Variants in PITPNC1 observed in about 807,000 individuals in gnomAD.
PITPNC1 encodes the protein phosphatidylinositol transfer protein cytoplasmic 1.
PITPNC1 carries 18 observed loss-of-function variants against 44.7 expected under a neutral mutation model. That is an observed-to-expected ratio of 0.40 (90% confidence interval 0.28 to 0.60). PITPNC1 has a LOEUF of 0.60. Among genes scored for constraint, PITPNC1 ranks in the 20% least tolerant of loss-of-function variants. PITPNC1 has a pLI of 0.39. For synonymous variants in PITPNC1, 141 were observed against 149.6 expected (o/e 0.94, Z 0.42); for missense variants, 290 against 418.4 (o/e 0.69, Z 2.68).
intron 1 of PITPNC1, among the ~76,000 whole-genome samples, chr17:67,434,013 G>A (rs934116778): frequency 6.6e-6 from 1 of 152,164 alleles, no homozygotes; most frequent in African/African-American, 2.4e-5. Context: ...GACCACAAAT[G>A]GTCCTGCTCC....
At chr17:67,599,022 ATATATATATATATTTTTTT>A (rs1216359610) in intron 5 of PITPNC1, among the ~76,000 whole-genome samples, 10 of 41,808 alleles carry the variant, frequency 2.4e-4, no homozygotes, top group African/African-American at 7.9e-4. Flanking sequence ...ATATATATAT[ATATATATATATATTTTTTT>A]TTTTTTTTTT....
At chr17:67,476,927 CAG>C (rs1163252071) in intron 1 of PITPNC1, among the ~76,000 whole-genome samples, 1 of 152,200 alleles carries the variant, frequency 6.6e-6, no homozygotes, top group Non-Finnish European at 1.5e-5. Flanking sequence ...GTTAGAAATG[CAG>C]AGTCTCAGGC....
At chr17:67,617,272 G>A (rs1486979287) in intron 5 of PITPNC1, among the ~76,000 whole-genome samples, 3 of 152,194 alleles carry the variant, frequency 2.0e-5, no homozygotes, top group African/African-American at 4.8e-5. Flanking sequence ...TCGGGAGGCC[G>A]AGGTGGGTGG....
chr17:67,575,879 C>CTTTTTTTTTT (rs1209977482), intron 4 of PITPNC1, among the ~76,000 whole-genome samples: 328 of 15,904 alleles, frequency 0.021, 30 homozygotes, highest in African/African-American at 0.051. Context: ...TCTTTCTTTC[C>CTTTTTTTTTT]TTTTTTTTTT....
intron 5 of PITPNC1, among the ~76,000 whole-genome samples, chr17:67,624,195 C>A (rs1236054634): frequency 1.4e-5 from 2 of 142,970 alleles, no homozygotes; most frequent in Non-Finnish European, 3.0e-5. Flanking sequence ...AGATTATTTT[C>A]TTTTTCTTTC....
At chr17:67,515,330 C>T (rs561886316) in intron 1 of PITPNC1, among the ~76,000 whole-genome samples, 11 of 152,310 alleles carry the variant, frequency 7.2e-5, no homozygotes, top group Non-Finnish European at 1.3e-4. Flanking sequence ...AGAAGATGTG[C>T]TGATTCGTTT....
intron 5 of PITPNC1, 115 bp downstream of exon 5, chr17:67,578,372 G>T: frequency 1.4e-6 from 1 of 716,912 alleles, no homozygotes. Flanking sequence ...TGGGACCTCA[G>T]AGATGTTCTG....
chr17:67,512,822 C>CA (rs2040205875), intron 1 of PITPNC1, among the ~76,000 whole-genome samples: 1 of 151,440 alleles, frequency 6.6e-6, no homozygotes, highest in Admixed American at 6.6e-5. Flanking sequence ...CATGAGAATA[C>CA]AAAAAATATT....
chr17:67,441,927 CAGA>C (rs1281977059), intron 1 of PITPNC1, among the ~76,000 whole-genome samples: 1 of 151,906 alleles, frequency 6.6e-6, no homozygotes, highest in Non-Finnish European at 1.5e-5. Context: ...CAAAATGATA[CAGA>C]AGAATAGGAG....
At chr17:67,692,324 TACTC>T (rs1393556085) in intron 8 of PITPNC1, among the ~76,000 whole-genome samples, 2 of 152,192 alleles carry the variant, frequency 1.3e-5, no homozygotes, top group African/African-American at 4.8e-5. Context: ...ATACTTAAAA[TACTC>T]ACTGTGAAGA....
At chr17:67,452,954 A>G (rs1159591559) in intron 1 of PITPNC1, among the ~76,000 whole-genome samples, 5 of 152,074 alleles carry the variant, frequency 3.3e-5, no homozygotes, top group African/African-American at 9.7e-5. Context: ...AGCGATTCTA[A>G]TGAGTGTGTG....
In PITPNC1 at chr17:67,421,429, C is replaced by G. The variant is rs183913686; in HGVS notation, c.48+43227C>G. ...TCCTGAGTAGCTGGGATTACAGGCA[C>G]TCATCACCACGCCTGGCTAATTTGT... On this transcript the variant is annotated intron_variant, in intron 1 of 8. Coordinates refer to ENST00000581322, the MANE Select transcript of PITPNC1 (RefSeq NM_012417.4). Among the ~76,000 whole-genome samples, 336 of 152,102 alleles carry G rather than the reference C, an allele frequency of 2.2e-3. 3 individuals are homozygous for G. Among genetic ancestry groups the G allele is most frequent in the African/African-American group, 7.9e-3 (327 of 41,476 alleles).
At chr17:67,541,491 A>AC (rs2040607515) in intron 2 of PITPNC1, among the ~76,000 whole-genome samples, 1 of 150,482 alleles carries the variant, frequency 6.6e-6, no homozygotes, top group African/African-American at 2.5e-5. Flanking sequence ...ACACACACAC[A>AC]ATAATTTAGT....
chr17:67,622,478 C>T lies in PITPNC1; in HGVS notation c.367-9665C>T, dbSNP rs144918031. On this transcript the variant is annotated intron_variant, in intron 5 of 8. Transcript: ENST00000581322. Reference sequence around the variant, plus strand: ...GGATAATGTTCTCAGTGAGATGACCCATAGAGATGGTTTTCATCATTGGTG... The same window carrying T: ...GGATAATGTTCTCAGTGAGATGACCTATAGAGATGGTTTTCATCATTGGTG... Among the ~76,000 whole-genome samples, 195 of 144,052 alleles carry T rather than the reference C, an allele frequency of 1.4e-3. 1 individual carries two copies. The highest frequency in any genetic ancestry group is 4.8e-3 in the African/African-American group (185 of 38,922). 94.5% of individuals were successfully genotyped at this position (144,052 alleles called of 152,430 possible). A position where few individuals can be genotyped will look rare whatever the true frequency, so the allele number is the denominator to read the frequency against.
chr17:67,438,313 C>CTTTTTTTTTTTTTTTTT (rs1245707226), intron 1 of PITPNC1, among the ~76,000 whole-genome samples: 1 of 130,452 alleles, frequency 7.7e-6, no homozygotes, highest in Non-Finnish European at 1.6e-5. Flanking sequence ...TTCTAAGTGA[C>CTTTTTTTTTTTTTTTTT]TTTTTTTTTT....
chr17:67,640,090 T>TTC (rs1555575699), intron 6 of PITPNC1, among the ~76,000 whole-genome samples: 3 of 151,824 alleles, frequency 2.0e-5, no homozygotes, highest in East Asian at 1.9e-4. Context: ...TTTTTTTTTT[T>TTC]CCCGTTTCCC....
chr17:67,455,463 C>T (rs1401974686), intron 1 of PITPNC1, among the ~76,000 whole-genome samples: 7 of 152,126 alleles, frequency 4.6e-5, no homozygotes, highest in South Asian at 4.1e-4. Context: ...GACAGACTCT[C>T]GCTCTGGAGT....
chr17:67,614,904 G>T (rs920596861), intron 5 of PITPNC1, among the ~76,000 whole-genome samples: 15 of 152,052 alleles, frequency 9.9e-5, no homozygotes, highest in African/African-American at 3.4e-4. Context: ...ATTCACGAGA[G>T]TATATGTGAG....
In PITPNC1 at chr17:67,687,255, T is replaced by C. The variant is rs1300537201; in HGVS notation, c.683-5317T>C. The C allele has an allele frequency of 6.0e-6, 5 of 835,122 alleles. No individual in the cohort carries two copies. In the African/African-American group the frequency reaches 6.7e-5, roughly 11 times the overall value. The allele number at this position is 835,122 out of a possible 1,614,324, so 51.7% of individuals were successfully genotyped here. On this transcript the variant is annotated intron_variant, in intron 8 of 8. Coordinates refer to ENST00000581322, the MANE Select transcript of PITPNC1 (RefSeq NM_012417.4). ...ACATGTAAACTGATCTGGGAAATACTGCAGATGCCCGGTTCGCAACCTTCC... is the reference window on the plus strand; with the variant it reads ...ACATGTAAACTGATCTGGGAAATACCGCAGATGCCCGGTTCGCAACCTTCC...
Sources: gnomAD v4.1 joint callset for allele counts (sites outside exome capture counted in the v4.1 genomes callset) on GRCh38, gnomAD v4.1.1 for gene constraint, MANE v1.5 for transcripts, NCBI Gene and HGNC (gene_info 2026-07-23, HGNC 2026-07-21) for gene names.